Variants in PPP3CA observed in about 807,000 individuals in gnomAD.
The protein encoded by PPP3CA is protein phosphatase 3 catalytic subunit alpha.
In PPP3CA, 14 loss-of-function variants were observed where a neutral mutation model predicts 66.5. The observed-to-expected ratio is 0.21, with a 90% CI of 0.14 to 0.33. The LOEUF is 0.33. PPP3CA is among the 10% of genes least tolerant of loss of function. PPP3CA has a pLI of 1.00. For missense variants in PPP3CA, 317 were observed against 639.5 expected (o/e 0.50, Z 5.44); for synonymous variants, 232 against 226.2 (o/e 1.03, Z -0.23).
chr4:101,258,626 G>A (rs544496819), intron 1 of PPP3CA, among the ~76,000 whole-genome samples: 4 of 151,846 alleles, frequency 2.6e-5, no homozygotes, highest in South Asian at 2.1e-4. Flanking sequence ...TCTCTTTCTT[G>A]TTTACCTACT....
chr4:101,023,760 T>C lies in PPP3CA; in HGVS notation c.*2105A>G, dbSNP rs1726490478. Reference sequence around the variant, plus strand: ...TTGTTTGGGTATGCTATATCGCTAATTGCCATATTCTTATTATTTAATATA... The same window carrying C: ...TTGTTTGGGTATGCTATATCGCTAACTGCCATATTCTTATTATTTAATATA... On this transcript the variant is annotated 3_prime_UTR_variant, in exon 14 of 14. Coordinates refer to ENST00000394854, the MANE Select transcript of PPP3CA (RefSeq NM_000944.5). The C allele has an allele frequency of 1.3e-5, 2 of 152,646 alleles. No homozygotes were observed. Among genetic ancestry groups the C allele is most frequent in the South Asian group, 2.1e-4 (1 of 4,830 alleles). The allele number at this position is 152,646 out of a possible 1,614,324, so 9.5% of individuals were successfully genotyped here.
chr4:101,054,870 T>C (rs1214969721), intron 10 of PPP3CA, among the ~76,000 whole-genome samples: 1 of 152,156 alleles, frequency 6.6e-6, no homozygotes, highest in Non-Finnish European at 1.5e-5. Context: ...CCATGTGGTT[T>C]GCTCTTTAGA....
intron 7 of PPP3CA, 59 bp downstream of exon 7, chr4:101,083,127 T>C: frequency 7.8e-7 from 1 of 1,288,838 alleles, no homozygotes; most frequent in Non-Finnish European, 1.0e-6. Flanking sequence ...CTAAGCAAAG[T>C]GAGGAAGTTC....
At chr4:101,155,894 C>T (rs1464540017) in intron 2 of PPP3CA, among the ~76,000 whole-genome samples, 3 of 152,070 alleles carry the variant, frequency 2.0e-5, no homozygotes, top group South Asian at 4.1e-4. Context: ...AATATGAATA[C>T]GAATAACAAA....
At chr4:101,259,524 T>C (rs1241462609) in intron 1 of PPP3CA, among the ~76,000 whole-genome samples, 3 of 152,172 alleles carry the variant, frequency 2.0e-5, no homozygotes, top group Non-Finnish European at 1.5e-5. Flanking sequence ...CCAGATAATT[T>C]ATTTTCTGGA....
chr4:101,257,062 T>C (rs532197015), intron 1 of PPP3CA, among the ~76,000 whole-genome samples: 2 of 152,148 alleles, frequency 1.3e-5, no homozygotes, highest in Admixed American at 1.3e-4. Flanking sequence ...CTAGTTCTGC[T>C]ATGTGACCTT....
intron 1 of PPP3CA, among the ~76,000 whole-genome samples, chr4:101,263,722 G>A (rs1172120127): frequency 6.6e-6 from 1 of 151,118 alleles, no homozygotes; most frequent in Non-Finnish European, 1.5e-5. Flanking sequence ...GACTGACAGG[G>A]GTCTATTGAT....
intron 1 of PPP3CA, among the ~76,000 whole-genome samples, chr4:101,271,445 A>C (rs1727333392): frequency 6.6e-6 from 1 of 152,124 alleles, no homozygotes; most frequent in Non-Finnish European, 1.5e-5. Flanking sequence ...TTTCTCTTTA[A>C]TCTTCTAATC....
intron 1 of PPP3CA, among the ~76,000 whole-genome samples, chr4:101,299,109 T>TTTTG (rs1387115202): frequency 1.2e-5 from 1 of 86,622 alleles, no homozygotes; most frequent in African/African-American, 5.2e-5. Context: ...ATATATCGTT[T>TTTTG]TTTTTTTTTT....
At chr4:101,134,683 G>T (rs891876658) in intron 2 of PPP3CA, among the ~76,000 whole-genome samples, 4 of 152,140 alleles carry the variant, frequency 2.6e-5, no homozygotes, top group African/African-American at 9.7e-5. Flanking sequence ...ATTCCTCAAG[G>T]ATCTAGAACT....
intron 1 of PPP3CA, among the ~76,000 whole-genome samples, chr4:101,270,604 T>C (rs1335847226): frequency 1.3e-5 from 2 of 152,158 alleles, no homozygotes; most frequent in Non-Finnish European, 2.9e-5. Context: ...GTCTGTTAAA[T>C]GGTCATAATT....
chr4:101,215,214 A>G (rs895333342), intron 1 of PPP3CA, among the ~76,000 whole-genome samples: 3 of 151,966 alleles, frequency 2.0e-5, no homozygotes, highest in Non-Finnish European at 4.4e-5. Context: ...CAAATGTAGT[A>G]TGTGCGTTGA....
chr4:101,188,903 T>C (rs1458138983), intron 2 of PPP3CA, among the ~76,000 whole-genome samples: 1 of 152,128 alleles, frequency 6.6e-6, no homozygotes, highest in Non-Finnish European at 1.5e-5. Context: ...GCATTTAGTT[T>C]ATATTTTTAA....
chr4:101,083,306 C>T, intron 6 of PPP3CA, 43 bp from the exon 7 acceptor site: 1 of 1,506,388 alleles, frequency 6.6e-7, no homozygotes, highest in Non-Finnish European at 9.2e-7. Context: ...GTTAGGAAAT[C>T]ATCAGGAGTA....
intron 2 of PPP3CA, among the ~76,000 whole-genome samples, chr4:101,195,634 T>C (rs1284518241): frequency 6.6e-6 from 1 of 152,226 alleles, no homozygotes; most frequent in African/African-American, 2.4e-5. Context: ...TTAGTATTTC[T>C]ACTTAAAAAC....
chr4:101,104,257 A>G (rs541313193), intron 3 of PPP3CA, among the ~76,000 whole-genome samples: 10 of 152,312 alleles, frequency 6.6e-5, no homozygotes, highest in Admixed American at 2.0e-4. Context: ...ATCCTTTTGA[A>G]GCCTGTTAGG....
chr4:101,339,997 T>G (rs139959937), intron 1 of PPP3CA, among the ~76,000 whole-genome samples: 1 of 152,190 alleles, frequency 6.6e-6, no homozygotes, highest in Non-Finnish European at 1.5e-5. Context: ...CTAAGAATCT[T>G]AGAGCTGATG....
In PPP3CA at chr4:101,051,855, ATT is replaced by A. The variant is rs541974945; in HGVS notation, c.1156+9230_1156+9231del. 1.0e-3 allele frequency among the ~76,000 whole-genome samples: 156 copies of A among 152,220 alleles called. 1 individual carries two copies. Among genetic ancestry groups the A allele is most frequent in the African/African-American group, 3.6e-3 (151 of 41,544 alleles). The stretch of plus-strand genomic sequence containing the variant: ...AATAAAAACTAATGCTATAAAAATC[ATT>A]TCTTTCAAAAGCTGTATAAAATATA... On this transcript the variant is annotated intron_variant, in intron 10 of 13. Transcript: ENST00000394854.
At chr4:101,222,222 GACAA>G (rs1357035005) in intron 1 of PPP3CA, among the ~76,000 whole-genome samples, 3 of 151,448 alleles carry the variant, frequency 2.0e-5, no homozygotes, top group African/African-American at 7.3e-5. Flanking sequence ...TTGCCCTTAT[GACAA>G]ACACATTGTT....
Sources: allele counts gnomAD v4.1 joint callset (sites outside exome capture counted in the v4.1 genomes callset), GRCh38; gene constraint gnomAD v4.1.1; transcripts MANE v1.5; gene names NCBI Gene and HGNC (gene_info 2026-07-23, HGNC 2026-07-21).